Variants in PRKCE observed in about 807,000 individuals in gnomAD.
PRKCE encodes the protein protein kinase C epsilon type.
A neutral mutation model predicts 85.4 loss-of-function variants in PRKCE; 16 were observed. The ratio of observed to expected loss-of-function variants is 0.19; its 90% confidence interval spans 0.13 to 0.28. The LOEUF is 0.28. PRKCE is among the 10% of genes least tolerant of loss of function. The pLI, the probability that PRKCE is intolerant of heterozygous loss-of-function variation, is 1.00. For synonymous variants in PRKCE, 388 were observed against 371.5 expected (o/e 1.04, Z -0.51); for missense variants, 573 against 975.2 (o/e 0.59, Z 5.49).
chr2:45,954,148 G>T (rs113573754), intron 2 of PRKCE, among the ~76,000 whole-genome samples: 1 of 152,180 alleles, frequency 6.6e-6, no homozygotes, highest in Non-Finnish European at 1.5e-5. Context: ...CCTTAGGTGC[G>T]CAGGGACTTT....
intron 1 of PRKCE, among the ~76,000 whole-genome samples, chr2:45,817,089 G>GTGTGTGTA (rs1553419785): frequency 1.3e-5 from 2 of 151,186 alleles, no homozygotes; most frequent in African/African-American, 4.9e-5. Flanking sequence ...GTGTGTGTGT[G>GTGTGTGTA]TGTGTGTGTG....
chr2:45,856,391 C>A (rs144108990), intron 2 of PRKCE, among the ~76,000 whole-genome samples: 5 of 152,084 alleles, frequency 3.3e-5, no homozygotes, highest in Non-Finnish European at 1.5e-5. Context: ...CCACCACACC[C>A]GGTTAACTTT....
At chr2:46,120,571 CA>C (rs1371711055) in intron 11 of PRKCE, among the ~76,000 whole-genome samples, 1 of 152,126 alleles carries the variant, frequency 6.6e-6, no homozygotes, top group Non-Finnish European at 1.5e-5. Flanking sequence ...CAGATTTTGC[CA>C]TGGTGTTTAG....
chr2:46,078,258 G>T (rs904787313), intron 10 of PRKCE: 2 of 151,906 alleles, frequency 1.3e-5, no homozygotes, highest in African/African-American at 2.4e-5. Context: ...GCCGGACGTG[G>T]TGTCTTATAC....
intron 1 of PRKCE, among the ~76,000 whole-genome samples, chr2:45,787,237 A>C (rs1686677708): frequency 6.6e-6 from 1 of 152,222 alleles, no homozygotes; most frequent in Non-Finnish European, 1.5e-5. Flanking sequence ...AGCTTGACCA[A>C]AACGGGATTC....
At chr2:45,726,578 C>A (rs1344745261) in intron 1 of PRKCE, among the ~76,000 whole-genome samples, 1 of 152,150 alleles carries the variant, frequency 6.6e-6, no homozygotes, top group Admixed American at 6.5e-5. Context: ...ACACAATAGA[C>A]TACATATAGT....
At chr2:45,841,437 G>C (rs951393040) in intron 1 of PRKCE, among the ~76,000 whole-genome samples, 20 of 152,160 alleles carry the variant, frequency 1.3e-4, no homozygotes, top group African/African-American at 4.3e-4. Context: ...ATGTTTGAGG[G>C]CAAAAAGCAT....
intron 1 of PRKCE, among the ~76,000 whole-genome samples, chr2:45,662,764 T>G (rs1395969340): frequency 6.6e-6 from 1 of 152,136 alleles, no homozygotes; most frequent in East Asian, 1.9e-4. Context: ...ATAGCTTGCT[T>G]CTTTACCTAC....
chr2:45,682,581 C>G (rs1030933170), intron 1 of PRKCE, among the ~76,000 whole-genome samples: 2 of 152,108 alleles, frequency 1.3e-5, no homozygotes, highest in Admixed American at 6.5e-5. Context: ...CACACATCAC[C>G]TTGCCTGGCT....
intron 9 of PRKCE, among the ~76,000 whole-genome samples, chr2:46,009,228 T>A (rs552951543): frequency 6.6e-6 from 1 of 152,260 alleles, no homozygotes; most frequent in African/African-American, 2.4e-5. Flanking sequence ...TTCAACTACA[T>A]AAAGATACAT....
At chr2:45,931,822 T>C (rs1042373563) in intron 2 of PRKCE, among the ~76,000 whole-genome samples, 3 of 152,060 alleles carry the variant, frequency 2.0e-5, no homozygotes, top group African/African-American at 7.2e-5. Context: ...TTCTCGTGCC[T>C]CAGCCTCCTC....
chr2:45,967,145 C>T (rs748468151), intron 2 of PRKCE, among the ~76,000 whole-genome samples: 42 of 152,126 alleles, frequency 2.8e-4, no homozygotes, highest in Non-Finnish European at 5.6e-4. Flanking sequence ...TAAATACCCC[C>T]ATGGTGGCCA....
chr2:45,690,758 T>C (rs193217036), intron 1 of PRKCE, among the ~76,000 whole-genome samples: 3 of 152,340 alleles, frequency 2.0e-5, no homozygotes, highest in Non-Finnish European at 2.9e-5. Context: ...CTCTGTATAA[T>C]GATCTGAAGT....
At chr2:46,060,832 G>A (rs1303216065) in intron 10 of PRKCE, among the ~76,000 whole-genome samples, 1 of 150,682 alleles carries the variant, frequency 6.6e-6, no homozygotes, top group African/African-American at 2.4e-5. Flanking sequence ...CACGATATCA[G>A]CTCATTGCAA....
chr2:45,801,046 G>C (rs1019035700), intron 1 of PRKCE, among the ~76,000 whole-genome samples: 1 of 152,154 alleles, frequency 6.6e-6, no homozygotes, highest in African/African-American at 2.4e-5. Flanking sequence ...ATTCCAGGCA[G>C]GGGGAACAGC....
chr2:46,135,893 G>A (rs1322533104), intron 11 of PRKCE, among the ~76,000 whole-genome samples: 1 of 151,216 alleles, frequency 6.6e-6, no homozygotes, highest in East Asian at 1.9e-4. Flanking sequence ...GGAAGAGGGT[G>A]CCTGCCAGTC....
At chr2:45,890,033 T>C (rs1174028131) in intron 2 of PRKCE, among the ~76,000 whole-genome samples, 1 of 152,224 alleles carries the variant, frequency 6.6e-6, no homozygotes, top group Non-Finnish European at 1.5e-5. Context: ...CTTTTTCTAA[T>C]ACATGGAGCT....
At chr2:45,876,432 A>G (rs1694484724) in intron 2 of PRKCE, among the ~76,000 whole-genome samples, 1 of 152,224 alleles carries the variant, frequency 6.6e-6, no homozygotes, top group African/African-American at 2.4e-5. Flanking sequence ...TAAAAGCACT[A>G]GCTCTTTGTA....
chr2:45,968,588 C>T (rs1397618850), intron 2 of PRKCE, among the ~76,000 whole-genome samples: 1 of 152,206 alleles, frequency 6.6e-6, no homozygotes, highest in Non-Finnish European at 1.5e-5. Context: ...TGTCATTCAT[C>T]TGTGCAACCA....
Sources: allele counts gnomAD v4.1 joint callset (sites outside exome capture counted in the v4.1 genomes callset), GRCh38; gene constraint gnomAD v4.1.1; transcripts MANE v1.5; gene names NCBI Gene and HGNC (gene_info 2026-07-23, HGNC 2026-07-21).